PALS1: variants seen among roughly 807,000 people sequenced by gnomAD.
PALS1 encodes protein PALS1.
Under a neutral mutation model 78.9 loss-of-function variants are expected in PALS1, and 31 were observed. The ratio of observed to expected loss-of-function variants is 0.39; its 90% CI spans 0.30 to 0.53. PALS1 has a LOEUF of 0.53. PALS1 is among the 20% of genes least tolerant of loss of function. The pLI is 0.67. For synonymous variants in PALS1, 276 were observed against 270.9 expected (o/e 1.02, Z -0.18); for missense variants, 704 against 826.5 (o/e 0.85, Z 1.82).
chr14:67,298,534 A>G (rs2140873444), intron 4 of PALS1, among the ~76,000 whole-genome samples: 1 of 151,822 alleles, frequency 6.6e-6, no homozygotes, highest in South Asian at 2.1e-4. Context: ...AAAAAATACT[A>G]TTATAAAAAC....
intron 10 of PALS1, 100 bp downstream of exon 10, chr14:67,317,003 A>G: frequency 1.1e-6 from 1 of 891,770 alleles, no homozygotes; most frequent in Non-Finnish European, 1.7e-6. Flanking sequence ...GTACTCAGGG[A>G]AAGAGTGATA....
chr14:67,279,325 G>A lies in PALS1; in HGVS notation c.155G>A (p.Arg52Gln), dbSNP rs767964224. 4 of 1,613,658 alleles carry A rather than the reference G, an allele frequency of 2.5e-6. No homozygotes were observed. The East Asian group carries it at 6.7e-5, about 27-fold the overall frequency. ...GGCACCAGGATGATGCCAATACGTC[G>A]AAGTGCACAGTTGGAGCGTATTCGG... is the stretch of plus-strand genomic sequence containing the variant. ...DLGTRMMPIR[R>Q]SAQLERIRQQ... Residue 52 changes from arginine (R) to glutamine (Q), a missense_variant, in exon 3 of 15, where the codon CGA becomes CAA. Arg to Gln is a conservative substitution (Grantham distance 43). Coordinates refer to ENST00000261681, the MANE Select transcript of PALS1 (RefSeq NM_022474.4).
chr14:67,305,774 T>TTAAG (rs1254658405), intron 8 of PALS1, among the ~76,000 whole-genome samples: 1 of 152,218 alleles, frequency 6.6e-6, no homozygotes, highest in Non-Finnish European at 1.5e-5. Context: ...ATGAAATAAC[T>TTAAG]TACTTATCCT....
In PALS1 at chr14:67,305,939, G is replaced by C. The variant is rs116372533; in HGVS notation, c.1041+2340G>C. On this transcript the variant is annotated intron_variant, in intron 8 of 14. Transcript: ENST00000261681. ...TTAAAAAGGAAGAAAGTGGGAGAAA[G>C]AGCAAAATGCCACATCTATCCCTTT... Among the ~76,000 whole-genome samples, 494 of 152,300 alleles carry C rather than the reference G, an allele frequency of 3.2e-3. 10 individuals are homozygous for C. In the East Asian group the frequency reaches 0.037, roughly 11 times the overall value.
At position 67,246,649 on chromosome 14, in the gene PALS1, G is replaced by GTTT. The variant is rs71129814; in HGVS notation, c.-237+5134_-237+5136dup. ...AGCCACTGAGCCTGGCCTACTATAG[G>GTTT]TTTTTTTTTTTTTTTTTTTTGAGAT... On this transcript the variant is annotated intron_variant, in intron 1 of 14. Coordinates refer to ENST00000261681, the MANE Select transcript of PALS1 (RefSeq NM_022474.4). 1.9e-3 allele frequency among the ~76,000 whole-genome samples: 208 copies of GTTT among 112,198 alleles called. 6 individuals are homozygous for GTTT. Among genetic ancestry groups the GTTT allele is most frequent in the African/African-American group, 4.0e-3 (117 of 29,334 alleles). The allele number at this position is 112,198 out of a possible 152,430, so 73.6% of individuals were successfully genotyped here. A position where few individuals can be genotyped will look rare whatever the true frequency, so the allele number is the denominator to read the frequency against.
intron 2 of PALS1, among the ~76,000 whole-genome samples, chr14:67,276,678 G>C (rs2084510964): frequency 6.6e-6 from 1 of 152,116 alleles, no homozygotes. Context: ...TCTCCCAGTA[G>C]ACTGAACATT....
At chr14:67,319,449 C>CATAA (rs913086579) in intron 11 of PALS1, among the ~76,000 whole-genome samples, 23 of 152,216 alleles carry the variant, frequency 1.5e-4, no homozygotes, top group African/African-American at 5.3e-4. Flanking sequence ...GTAGAGTAAA[C>CATAA]ATAAATGCAG....
At chr14:67,316,941 T>A in intron 10 of PALS1, 38 bp downstream of exon 10, 1 of 1,524,654 alleles carries the variant, frequency 6.6e-7, no homozygotes, top group Non-Finnish European at 9.0e-7. Context: ...AATGGTTTCT[T>A]GGGTCTTCAT....
At chr14:67,305,285 CA>C (rs1310481235) in intron 8 of PALS1, among the ~76,000 whole-genome samples, 2 of 151,828 alleles carry the variant, frequency 1.3e-5, no homozygotes, top group East Asian at 1.9e-4. Flanking sequence ...GAAGTTAAGA[CA>C]TTTTTTTTTT....
At chr14:67,279,771 T>G (rs941769402) in intron 3 of PALS1, 1 of 403,034 alleles carries the variant, frequency 2.5e-6, no homozygotes, top group Non-Finnish European at 4.3e-6. Context: ...TTTTTAGATA[T>G]TAAAGAGTTC....
chr14:67,302,676 T>A (rs1396388900), intron 7 of PALS1, 105 bp downstream of exon 7: 18 of 897,122 alleles, frequency 2.0e-5, no homozygotes, highest in Non-Finnish European at 2.6e-5. Context: ...CTAGATGATT[T>A]CTAGCCTGAT....
chr14:67,284,423 A>G (rs371061719), intron 3 of PALS1, among the ~76,000 whole-genome samples: 9 of 143,526 alleles, frequency 6.3e-5, no homozygotes, highest in African/African-American at 1.9e-4. Context: ...CATAGACCCT[A>G]TCTCTTAAAA....
In PALS1 at chr14:67,316,200, G is replaced by A. The variant is rs561959993; in HGVS notation, c.1226-632G>A. Reference sequence around the variant, plus strand: ...ACATATTTGATTTAAAGTAGAAGTCGGAAAAGAAAACCTCTTTCAAGGTCA... The same window carrying A: ...ACATATTTGATTTAAAGTAGAAGTCAGAAAAGAAAACCTCTTTCAAGGTCA... On this transcript the variant is annotated intron_variant, in intron 9 of 14. Coordinates refer to ENST00000261681, the MANE Select transcript of PALS1 (RefSeq NM_022474.4). Among the ~76,000 whole-genome samples the A allele has an allele frequency of 4.6e-5, 7 of 152,028 alleles. 1 individual carries two copies. In the South Asian group the frequency reaches 6.2e-4, roughly 14 times the overall value.
At chr14:67,326,938 G>T (rs2141028979) in intron 14 of PALS1, among the ~76,000 whole-genome samples, 1 of 152,320 alleles carries the variant, frequency 6.6e-6, no homozygotes, top group East Asian at 1.9e-4. Flanking sequence ...ACTTTGGGAG[G>T]CCGAGGCGGG....
chr14:67,249,861 C>T (rs1255108204), intron 1 of PALS1, among the ~76,000 whole-genome samples: 1 of 152,170 alleles, frequency 6.6e-6, no homozygotes, highest in Non-Finnish European at 1.5e-5. Context: ...TTTAAGACTG[C>T]ATTCGTTTAA....
chr14:67,259,218 C>T (rs1011565721), intron 1 of PALS1, among the ~76,000 whole-genome samples: 8 of 151,874 alleles, frequency 5.3e-5, no homozygotes, highest in East Asian at 1.9e-4. Context: ...TACACATGCC[C>T]GATTTCTATA....
At chr14:67,284,682 G>A (rs12437351) in intron 3 of PALS1, among the ~76,000 whole-genome samples, 2 of 144,308 alleles carry the variant, frequency 1.4e-5, no homozygotes, top group Non-Finnish European at 3.0e-5. Context: ...TGACAACCAC[G>A]AATATACTTT....
intron 1 of PALS1, among the ~76,000 whole-genome samples, chr14:67,248,166 C>T (rs760017564): frequency 6.6e-6 from 1 of 151,990 alleles, no homozygotes; most frequent in Non-Finnish European, 1.5e-5. Context: ...CTGGGACTAA[C>T]TCTGGGGTTA....
chr14:67,325,658 G>A (rs188224650), intron 14 of PALS1, among the ~76,000 whole-genome samples: 1 of 152,292 alleles, frequency 6.6e-6, no homozygotes, highest in African/African-American at 2.4e-5. Context: ...GCGCACTAAG[G>A]ACCAGAGTGT....
Sources: gnomAD v4.1 joint callset for allele counts (sites outside exome capture counted in the v4.1 genomes callset) on GRCh38, gnomAD v4.1.1 for gene constraint, MANE v1.5 for transcripts, NCBI Gene and HGNC (gene_info 2026-07-23, HGNC 2026-07-21) for gene names.